The following HSF1 variants were observed in gnomAD, a reference collection of about 807,000 sequenced individuals.
HSF1 encodes heat shock factor protein 1.
A neutral mutation model predicts 51.7 loss-of-function variants in HSF1; 32 were observed. The observed-to-expected ratio is 0.62, with a 90% CI of 0.47 to 0.83. HSF1 has a LOEUF of 0.83. Ranked by LOEUF, HSF1 falls within the 40% of genes least tolerant of loss-of-function variation. The probability of loss-of-function intolerance (pLI) is 0.00; values close to 1 mark genes in which losing one functional copy is unlikely to be tolerated. For synonymous variants in HSF1, 396 were observed against 309.7 expected, an observed-to-expected ratio of 1.28 and a Z score of -2.92; for missense variants, 727 against 717.0, an observed-to-expected ratio of 1.01 and a Z score of -0.16.
At chr8:144,298,411 A>G (rs548555848) in intron 1 of HSF1, among the ~76,000 whole-genome samples, 2 of 150,886 alleles carry the variant, frequency 1.3e-5, no homozygotes, top group African/African-American at 4.9e-5. Flanking sequence ...AGCCTGACCA[A>G]CATGGTGAAA....
intron 1 of HSF1, among the ~76,000 whole-genome samples, chr8:144,303,820 G>T (rs1816047739): frequency 6.6e-6 from 1 of 152,222 alleles, no homozygotes; most frequent in Non-Finnish European, 1.5e-5. Flanking sequence ...GGAGGTTGCA[G>T]TGAGCCAAGA....
At chr8:144,307,187 G>A (rs1402386584) in intron 1 of HSF1, among the ~76,000 whole-genome samples, 3 of 152,190 alleles carry the variant, frequency 2.0e-5, no homozygotes, top group African/African-American at 2.4e-5. Flanking sequence ...CAGCCACAGC[G>A]TTCAAAAATC....
At chr8:144,308,009 A>G (rs1816335615) in intron 1 of HSF1, among the ~76,000 whole-genome samples, 2 of 151,966 alleles carry the variant, frequency 1.3e-5, no homozygotes, top group Admixed American at 6.5e-5. Context: ...ACATCTCTCT[A>G]TGCTGGAAAG....
intron 4 of HSF1, chr8:144,310,734 C>T (rs1396762717): frequency 9.8e-6 from 2 of 204,122 alleles, no homozygotes; most frequent in Admixed American, 1.1e-4. Context: ...GAGCCACCTC[C>T]AGGCCTGGCG....
Position 144,314,057 on chromosome 8 carries a change from G to A in HSF1, c.1384+3G>A, listed in dbSNP as rs1817037934. 4 of 1,609,458 alleles carry A rather than the reference G, an allele frequency of 2.5e-6. No individual in the cohort carries two copies. The highest frequency in any genetic ancestry group is 2.2e-5 in the East Asian group (1 of 44,628). On this transcript the variant is annotated splice_donor_region_variant and intron_variant, in intron 12 of 12. Coordinates refer to ENST00000528838, the MANE Select transcript of HSF1 (RefSeq NM_005526.4). ...AGAGAACAGCAGCCCGGATTCAGGT[G>A]AGCCAAGTCCCACCGGCCCCACCTC...
rs191579466 is a variant in HSF1 at position 144,295,301 on chromosome 8, C to T, written c.117+3427C>T. Among the ~76,000 whole-genome samples the T allele has an allele frequency of 7.7e-4, 118 of 152,332 alleles. 1 individual carries two copies. In the Middle Eastern group the frequency reaches 0.014, roughly 18 times the overall value. On this transcript the variant is annotated intron_variant, in intron 1 of 12. Transcript: ENST00000528838. ...GGTTCACCATCATCCCAGTTTTTTA[C>T]AAGCTATGATTTTGTCCCATCTTTA...
chr8:144,309,432 G>C (rs782249274), intron 2 of HSF1, 23 bp from the exon 3 acceptor site: 1 of 1,613,306 alleles, frequency 6.2e-7, no homozygotes, highest in African/African-American at 1.3e-5. Flanking sequence ...AGGCAGAGCT[G>C]CCCCCTTCCC....
intron 1 of HSF1, among the ~76,000 whole-genome samples, chr8:144,303,973 G>A (rs1554842828): frequency 6.6e-6 from 1 of 152,216 alleles, no homozygotes; most frequent in African/African-American, 2.4e-5. Flanking sequence ...GCCTGCTGTG[G>A]CGGGGGTAGT....
intron 1 of HSF1, among the ~76,000 whole-genome samples, chr8:144,308,427 G>C (rs1216546132): frequency 6.6e-6 from 1 of 152,246 alleles, no homozygotes; most frequent in Admixed American, 6.5e-5. Flanking sequence ...TTCTGAACGC[G>C]ACTGTGTTTT....
chr8:144,311,654 G>T, intron 7 of HSF1, 46 bp from the exon 8 acceptor site: 1 of 1,611,286 alleles, frequency 6.2e-7, no homozygotes, highest in Non-Finnish European at 8.5e-7. Flanking sequence ...CAGTGGGGTG[G>T]GTTGCCCCTG....
chr8:144,295,832 G>A (rs560669555), intron 1 of HSF1, among the ~76,000 whole-genome samples: 4 of 152,306 alleles, frequency 2.6e-5, no homozygotes, highest in Admixed American at 2.6e-4. Context: ...GAAGTGCTGG[G>A]ATTACAGGCT....
intron 10 of HSF1, 91 bp downstream of exon 10, chr8:144,313,707 G>GCCTCCCCGCGCCTCC (rs1260669415): frequency 5.3e-5 from 2 of 37,436 alleles, no homozygotes; most frequent in African/African-American, 3.7e-4. Context: ...TCCCCGCGCC[G>GCCTCCCCGCGCCTCC]CCGCCCCGCC....
intron 1 of HSF1, among the ~76,000 whole-genome samples, chr8:144,307,142 C>T (rs1355848896): frequency 6.6e-6 from 1 of 152,232 alleles, no homozygotes; most frequent in Non-Finnish European, 1.5e-5. Flanking sequence ...CCTAGTGGCA[C>T]CTCCTTCTCC....
At position 144,311,805 on chromosome 8, in the gene HSF1, A is replaced by C. The variant is rs370907821; in HGVS notation, c.829A>C (p.Met277Leu). The change falls in exon 8 of 13, where the codon ATG becomes CTG. Residue 277 changes from methionine to leucine, a missense_variant. By Grantham distance (15) the Met-to-Leu change is conservative (BLOSUM62 2). Coordinates refer to ENST00000528838, the MANE Select transcript of HSF1 (RefSeq NM_005526.4). ...DITELAPASP[M>L]ASPGGSIDER... ...CACCGAGCTGGCTCCTGCCAGCCCC[A>C]TGGCCTCCCCCGGCGGGAGCATAGA... The C allele has an allele frequency of 6.2e-7, 1 of 1,611,574 alleles. No homozygotes were observed. Among genetic ancestry groups the C allele is most frequent in the African/African-American group, 1.3e-5 (1 of 74,770 alleles).
chr8:144,304,862 C>T (rs1816109723), intron 1 of HSF1, among the ~76,000 whole-genome samples: 1 of 150,062 alleles, frequency 6.7e-6, no homozygotes, highest in Admixed American at 6.6e-5. Flanking sequence ...CAGGCTGGAA[C>T]TCCTGACCTC....
intron 10 of HSF1, 28 bp downstream of exon 10, chr8:144,313,644 CCCGCCCCGCCTCCCCGCCGCG>C (rs1816872718): frequency 1.1e-5 from 4 of 379,218 alleles, no homozygotes; most frequent in South Asian, 6.0e-5. Context: ...GCCCCGCCTC[CCCGCCCCGCCTCCCCGCCGCG>C]CCGCCCCGCC....
chr8:144,308,792 A>G, intron 1 of HSF1, 114 bp from the exon 2 acceptor site: 1 of 843,914 alleles, frequency 1.2e-6, no homozygotes, highest in Admixed American at 1.9e-5. Context: ...CCCCAGCCCC[A>G]TCAGGTGGAA....
chr8:144,292,369 A>G (rs1815149631), intron 1 of HSF1: 1 of 152,538 alleles, frequency 6.6e-6, no homozygotes, highest in African/African-American at 2.4e-5. Flanking sequence ...GTAAGACGTC[A>G]TGAAGCTTCA....
chr8:144,300,517 G>A (rs1046170292), intron 1 of HSF1, among the ~76,000 whole-genome samples: 1 of 152,160 alleles, frequency 6.6e-6, no homozygotes, highest in African/African-American at 2.4e-5. Context: ...GGCCTGTTGT[G>A]TACTCTTGAT....
Sources: allele counts gnomAD v4.1 joint callset (sites outside exome capture counted in the v4.1 genomes callset), GRCh38; gene constraint gnomAD v4.1.1; transcripts MANE v1.5; gene names NCBI Gene and HGNC (gene_info 2026-07-23, HGNC 2026-07-21).